The following ARHGEF7 variants were observed in gnomAD, a reference collection of about 807,000 sequenced individuals.
The protein encoded by ARHGEF7 is PAK-interacting exchange factor beta.
ARHGEF7 carries 33 observed loss-of-function variants against 109.8 expected under a neutral mutation model. That is an observed-to-expected ratio of 0.30 (90% confidence interval 0.23 to 0.40). ARHGEF7 has a LOEUF of 0.40. ARHGEF7 is among the 10% of genes least tolerant of loss of function. ARHGEF7 has a pLI of 1.00. For synonymous variants in ARHGEF7, 458 were observed against 424.6 expected (o/e 1.08, Z -0.97); for missense variants, 938 against 1,098.5 (o/e 0.85, Z 2.07).
chr13:111,231,524 C>T (rs914737069), intron 5 of ARHGEF7, among the ~76,000 whole-genome samples: 2 of 151,998 alleles, frequency 1.3e-5, no homozygotes, highest in Non-Finnish European at 2.9e-5. Flanking sequence ...AGGTAAACGG[C>T]TCCACAGGAG....
At chr13:111,140,258 A>G (rs1312437944) in intron 1 of ARHGEF7, among the ~76,000 whole-genome samples, 1 of 152,204 alleles carries the variant, frequency 6.6e-6, no homozygotes, top group African/African-American at 2.4e-5. Context: ...TGTATTGTAT[A>G]GTGCAGGGAG....
intron 1 of ARHGEF7, among the ~76,000 whole-genome samples, chr13:111,130,026 A>G (rs985657969): frequency 3.9e-5 from 6 of 152,254 alleles, no homozygotes; most frequent in African/African-American, 1.4e-4. Flanking sequence ...TATTCCTGTA[A>G]TGGAACACGG....
chr13:111,250,551 C>CA (rs1566961502), intron 8 of ARHGEF7, among the ~76,000 whole-genome samples: 1 of 151,908 alleles, frequency 6.6e-6, no homozygotes, highest in African/African-American at 2.4e-5. Context: ...GGTAACCAGG[C>CA]AAAAAACGAG....
At chr13:111,245,956 A>G (rs2088768710) in intron 8 of ARHGEF7, among the ~76,000 whole-genome samples, 1 of 152,218 alleles carries the variant, frequency 6.6e-6, no homozygotes, top group South Asian at 2.1e-4. Flanking sequence ...AACCACAAAT[A>G]TGTTTGCAGC....
In ARHGEF7 at chr13:111,283,246, G is replaced by T; in HGVS notation, c.1833G>T (p.Pro611=). ...CCCACCCCTCCCACCACGGCACCCCGCACACCACCATCAACTGGGGACCCC... is the reference window on the plus strand; with the variant it reads ...CCCACCCCTCCCACCACGGCACCCCTCACACCACCATCAACTGGGGACCCC... ...TLPHPSHHGT[P]HTTINWGPLE... The change falls in exon 16 of 22, where the codon CCG becomes CCT. Residue 611 remains proline (P), a synonymous_variant. Coordinates refer to ENST00000646102, the MANE Select transcript of ARHGEF7 (RefSeq NM_001354046.2). 2 of 1,561,352 alleles carry T rather than the reference G, an allele frequency of 1.3e-6. No homozygotes were observed. The highest frequency in any genetic ancestry group is 1.7e-6 in the Non-Finnish European group (2 of 1,154,086).
chr13:111,151,646 T>C (rs1464447515), intron 1 of ARHGEF7, among the ~76,000 whole-genome samples: 1 of 152,220 alleles, frequency 6.6e-6, no homozygotes, highest in African/African-American at 2.4e-5. Context: ...TTCATTAACA[T>C]TGAACTCATG....
chr13:111,130,833 TCTGA>T (rs2074706922), intron 1 of ARHGEF7, among the ~76,000 whole-genome samples: 1 of 152,184 alleles, frequency 6.6e-6, no homozygotes, highest in South Asian at 2.1e-4. Flanking sequence ...TGAGTTGCCC[TCTGA>T]CTGATGCATA....
chr13:111,205,821 C>T (rs938479222), intron 3 of ARHGEF7, among the ~76,000 whole-genome samples: 1 of 152,068 alleles, frequency 6.6e-6, no homozygotes. Flanking sequence ...GTCCAGGGCT[C>T]CTGAGGGCTG....
At chr13:111,283,072 A>C (rs1226111321) in intron 15 of ARHGEF7, 67 bp from the exon 16 acceptor site, 1 of 1,508,304 alleles carries the variant, frequency 6.6e-7, no homozygotes, top group African/African-American at 1.4e-5. Flanking sequence ...GTGCGTGATA[A>C]GTGCCCTTTC....
chr13:111,256,418 C>T (rs1350229024), intron 8 of ARHGEF7, among the ~76,000 whole-genome samples: 2 of 152,222 alleles, frequency 1.3e-5, no homozygotes, highest in African/African-American at 4.8e-5. Context: ...CTGTCCTGAG[C>T]CTGCTCCGGT....
At chr13:111,193,408 C>A (rs552693656) in intron 2 of ARHGEF7, among the ~76,000 whole-genome samples, 1 of 152,236 alleles carries the variant, frequency 6.6e-6, no homozygotes, top group Admixed American at 6.5e-5. Flanking sequence ...CTTCCTTCTG[C>A]CTTTTCTCCT....
chr13:111,213,312 G>C (rs547307397), intron 4 of ARHGEF7, among the ~76,000 whole-genome samples: 9 of 152,308 alleles, frequency 5.9e-5, no homozygotes, highest in South Asian at 2.1e-4. Context: ...GGTTAGGGCA[G>C]TGGGGGAACT....
intron 2 of ARHGEF7, among the ~76,000 whole-genome samples, chr13:111,180,551 C>T (rs897582470): frequency 6.6e-6 from 1 of 152,126 alleles, no homozygotes; most frequent in South Asian, 2.1e-4. Flanking sequence ...TACCAGAAGC[C>T]CCAGAAGGCT....
At chr13:111,200,563 C>T (rs1054582268) in intron 2 of ARHGEF7, among the ~76,000 whole-genome samples, 7 of 151,906 alleles carry the variant, frequency 4.6e-5, no homozygotes, top group African/African-American at 1.7e-4. Flanking sequence ...AGGTGAGGAA[C>T]GGGACACCCA....
chr13:111,303,340 C>A lies in ARHGEF7; in HGVS notation c.*227C>A. The A allele has an allele frequency of 5.2e-6, 2 of 381,944 alleles. No homozygotes were observed. Among genetic ancestry groups the A allele is most frequent in the East Asian group, 4.0e-5 (1 of 24,860 alleles). The allele number at this position is 381,944 out of a possible 1,614,324, so 23.7% of individuals were successfully genotyped here. ...CTCTGAGGACCTGAGCTACATCAATCCACTCTGTGAACATCTCAGTTACCT... is the reference window on the plus strand; with the variant it reads ...CTCTGAGGACCTGAGCTACATCAATACACTCTGTGAACATCTCAGTTACCT... On this transcript the variant is annotated 3_prime_UTR_variant, in exon 22 of 22. Coordinates refer to ENST00000646102, the MANE Select transcript of ARHGEF7 (RefSeq NM_001354046.2).
chr13:111,268,040 T>A (rs1472181648), intron 9 of ARHGEF7, among the ~76,000 whole-genome samples: 2 of 152,214 alleles, frequency 1.3e-5, no homozygotes, highest in Non-Finnish European at 2.9e-5. Context: ...AGAAAGTATC[T>A]CATTTCAGAT....
At chr13:111,165,654 G>C (rs372806224) in intron 2 of ARHGEF7, among the ~76,000 whole-genome samples, 1 of 152,188 alleles carries the variant, frequency 6.6e-6, no homozygotes, top group Non-Finnish European at 1.5e-5. Flanking sequence ...CTGTTGAACC[G>C]ACTCAGTATA....
chr13:111,269,150 C>T (rs1022498188), intron 9 of ARHGEF7, among the ~76,000 whole-genome samples: 6 of 152,166 alleles, frequency 3.9e-5, no homozygotes, highest in African/African-American at 1.4e-4. Context: ...TGTGCTATGC[C>T]CCTACCCCTG....
At chr13:111,252,629 A>G (rs1486786231) in intron 8 of ARHGEF7, among the ~76,000 whole-genome samples, 1 of 152,244 alleles carries the variant, frequency 6.6e-6, no homozygotes, top group East Asian at 1.9e-4. Flanking sequence ...CTTACTATAA[A>G]TATGTACAGT....
Sources: gnomAD v4.1 joint callset for allele counts (sites outside exome capture counted in the v4.1 genomes callset) on GRCh38, gnomAD v4.1.1 for gene constraint, MANE v1.5 for transcripts, NCBI Gene and HGNC (gene_info 2026-07-23, HGNC 2026-07-21) for gene names.